CDH13: variants seen among roughly 807,000 people sequenced by gnomAD.
CDH13 encodes cadherin-13.
A neutral mutation model predicts 63.8 loss-of-function variants in CDH13; 24 were observed. The observed-to-expected ratio is 0.38, with a 90% CI of 0.27 to 0.53. The LOEUF (loss-of-function observed/expected upper bound fraction) is 0.53, where lower values mean the gene tolerates loss of function less well. CDH13 is among the 20% of genes least tolerant of loss of function. The pLI, the probability that CDH13 is intolerant of heterozygous loss-of-function variation, is 0.85. For synonymous variants in CDH13, 503 were observed against 355.3 expected, an observed-to-expected ratio of 1.42 and a Z score of -4.67; for missense variants, 1,049 against 903.1, an observed-to-expected ratio of 1.16 and a Z score of -2.07.
chr16:82,850,680 A>C (rs1191522135), intron 1 of CDH13, among the ~76,000 whole-genome samples: 2 of 152,202 alleles, frequency 1.3e-5, no homozygotes, highest in East Asian at 3.9e-4. Flanking sequence ...AAGAGTCGAT[A>C]GATTGGCAAA....
intron 1 of CDH13, among the ~76,000 whole-genome samples, chr16:82,673,183 G>T (rs1048899140): frequency 5.3e-5 from 8 of 151,742 alleles, no homozygotes; most frequent in African/African-American, 1.9e-4. Context: ...ATCAGTGTTC[G>T]ACGAAGCCCC....
chr16:83,274,531 C>T (rs2088923272), intron 5 of CDH13, among the ~76,000 whole-genome samples: 1 of 152,144 alleles, frequency 6.6e-6, no homozygotes. Flanking sequence ...TGATTAGTGT[C>T]TTTAGAGCTC....
chr16:82,693,050 A>G (rs1045269573), intron 1 of CDH13, among the ~76,000 whole-genome samples: 1 of 152,194 alleles, frequency 6.6e-6, no homozygotes, highest in Non-Finnish European at 1.5e-5. Flanking sequence ...GAGGAGGGCC[A>G]TGTAGCAAGG....
chr16:83,628,048 C>T (rs1416093544), intron 8 of CDH13, among the ~76,000 whole-genome samples: 7 of 152,144 alleles, frequency 4.6e-5, no homozygotes, highest in Admixed American at 4.6e-4. Flanking sequence ...GGAGGTCACT[C>T]TCATCGCCAT....
intron 2 of CDH13, among the ~76,000 whole-genome samples, chr16:82,955,549 T>G (rs1183205405): frequency 6.6e-6 from 1 of 152,198 alleles, no homozygotes; most frequent in African/African-American, 2.4e-5. Flanking sequence ...TAGCCAGATT[T>G]TAAAGCATAT....
At chr16:83,022,694 A>G (rs1376554652) in intron 2 of CDH13, among the ~76,000 whole-genome samples, 1 of 152,132 alleles carries the variant, frequency 6.6e-6, no homozygotes, top group Non-Finnish European at 1.5e-5. Context: ...TCTGATTCAT[A>G]TGCATCCTTG....
intron 7 of CDH13, among the ~76,000 whole-genome samples, chr16:83,575,601 A>G (rs908720614): frequency 3.9e-5 from 6 of 152,158 alleles, no homozygotes; most frequent in Middle Eastern, 3.4e-3. Flanking sequence ...CATGCTATTC[A>G]TGACCTGGAG....
intron 6 of CDH13, 59 bp downstream of exon 6, chr16:83,345,065 T>A: frequency 1.3e-5 from 21 of 1,576,484 alleles, no homozygotes; most frequent in Non-Finnish European, 1.8e-5. Context: ...ACTTTGATCT[T>A]TGTGGATTCT....
At chr16:83,449,745 G>A (rs550300602) in intron 6 of CDH13, among the ~76,000 whole-genome samples, 8 of 152,100 alleles carry the variant, frequency 5.3e-5, no homozygotes, top group Non-Finnish European at 1.0e-4. Context: ...TGTCATCTTG[G>A]ACAAATCCTT....
chr16:83,026,880 T>C (rs536927895), intron 2 of CDH13, among the ~76,000 whole-genome samples: 2 of 152,244 alleles, frequency 1.3e-5, no homozygotes, highest in African/African-American at 2.4e-5. Context: ...AGGCACCACC[T>C]CTGACTTCAC....
At chr16:83,499,766 G>A (rs573548396) in intron 7 of CDH13, among the ~76,000 whole-genome samples, 2 of 151,864 alleles carry the variant, frequency 1.3e-5, no homozygotes, top group African/African-American at 4.8e-5. Context: ...TGGGTGCAGT[G>A]GCCACATGTT....
intron 2 of CDH13, among the ~76,000 whole-genome samples, chr16:82,956,021 A>G (rs1184962965): frequency 1.3e-5 from 2 of 152,146 alleles, no homozygotes; most frequent in African/African-American, 2.4e-5. Flanking sequence ...TGGATGTCCC[A>G]TAGTTCATTG....
At chr16:83,690,355 C>A (rs572592842) in intron 10 of CDH13, among the ~76,000 whole-genome samples, 2 of 152,078 alleles carry the variant, frequency 1.3e-5, no homozygotes, top group African/African-American at 4.8e-5. Flanking sequence ...AGAAGCCTCA[C>A]CAGTGCTGTG....
At chr16:82,695,790 G>A (rs150806091) in intron 1 of CDH13, among the ~76,000 whole-genome samples, 88 of 152,334 alleles carry the variant, frequency 5.8e-4, no homozygotes, top group Admixed American at 9.1e-4. Flanking sequence ...GCCTGGTAGA[G>A]TTGAGCTGAA....
At chr16:82,642,503 T>C (rs1909538349) in intron 1 of CDH13, among the ~76,000 whole-genome samples, 1 of 152,238 alleles carries the variant, frequency 6.6e-6, no homozygotes, top group South Asian at 2.1e-4. Flanking sequence ...TCTCTCTCTT[T>C]GGTGGGAGAG....
intron 7 of CDH13, among the ~76,000 whole-genome samples, chr16:83,580,508 A>G (rs1004673207): frequency 1.3e-5 from 1 of 76,932 alleles, no homozygotes; most frequent in African/African-American, 4.9e-5. Context: ...CTCTCTCTCT[A>G]AGTCAGGTCA....
chr16:83,201,116 T>C (rs2151765793), intron 4 of CDH13, among the ~76,000 whole-genome samples: 1 of 152,288 alleles, frequency 6.6e-6, no homozygotes, highest in Non-Finnish European at 1.5e-5. Context: ...TAGCTGTGCC[T>C]GTTCATTGAT....
At chr16:83,101,478 A>T (rs1347376363) in intron 3 of CDH13, among the ~76,000 whole-genome samples, 2 of 150,688 alleles carry the variant, frequency 1.3e-5, no homozygotes, top group African/African-American at 4.9e-5. Flanking sequence ...GGGGAAATGA[A>T]GTTTGAAGGA....
chr16:83,569,034 T>A (rs1904328422), intron 7 of CDH13, among the ~76,000 whole-genome samples: 1 of 152,080 alleles, frequency 6.6e-6, no homozygotes, highest in African/African-American at 2.4e-5. Flanking sequence ...ACATTCCTTA[T>A]AATCTAGTCC....
Sources: allele counts gnomAD v4.1 joint callset (sites outside exome capture counted in the v4.1 genomes callset), GRCh38; gene constraint gnomAD v4.1.1; transcripts MANE v1.5; gene names NCBI Gene and HGNC (gene_info 2026-07-23, HGNC 2026-07-21).